SETBP1: variants seen among roughly 807,000 people sequenced by gnomAD.
SETBP1 encodes SET binding protein 1, also known as SET-binding protein.
SETBP1 carries 9 observed loss-of-function variants against 101.0 expected under a neutral mutation model. The observed-to-expected ratio is 0.09, with a 90% CI of 0.05 to 0.16. The LOEUF (loss-of-function observed/expected upper bound fraction) is 0.16. Among genes scored for constraint, SETBP1 ranks in the 10% least tolerant of loss-of-function variants. The pLI, the probability that SETBP1 is intolerant of heterozygous loss-of-function variation, is 1.00. For missense variants in SETBP1, 1,858 were observed against 2,033.8 expected (o/e 0.91, Z 1.66); for synonymous variants, 818 against 788.5 (o/e 1.04, Z -0.63).
At chr18:44,889,666 A>G (rs1265051036) in intron 3 of SETBP1, among the ~76,000 whole-genome samples, 2 of 152,162 alleles carry the variant, frequency 1.3e-5, no homozygotes, top group African/African-American at 4.8e-5. Context: ...AGATAGTTAA[A>G]TTAAACTATT....
chr18:44,874,370 G>A (rs148930054), intron 3 of SETBP1, among the ~76,000 whole-genome samples: 2,291 of 152,268 alleles, frequency 0.015, 31 homozygotes, highest in Middle Eastern at 0.041. Flanking sequence ...AAGACAATGG[G>A]AGGCATTGAA....
intron 2 of SETBP1, among the ~76,000 whole-genome samples, chr18:44,814,479 T>C (rs889313031): frequency 5.3e-5 from 8 of 152,232 alleles, no homozygotes; most frequent in African/African-American, 1.9e-4. Context: ...ACATCTAGAA[T>C]TGGCAAAGCA....
chr18:44,681,853 G>T (rs2068765317), intron 1 of SETBP1, among the ~76,000 whole-genome samples: 1 of 151,874 alleles, frequency 6.6e-6, no homozygotes. Flanking sequence ...CGCTAAAAGG[G>T]CAATTTGTGT....
intron 2 of SETBP1, among the ~76,000 whole-genome samples, chr18:44,778,226 G>A (rs372700493): frequency 1.6e-4 from 24 of 152,276 alleles, no homozygotes; most frequent in South Asian, 8.3e-4. Flanking sequence ...AGTCAAAAAC[G>A]TAAGATCCTC....
intron 2 of SETBP1, among the ~76,000 whole-genome samples, chr18:44,707,459 A>G (rs923645919): frequency 2.0e-5 from 3 of 152,114 alleles, no homozygotes; most frequent in Admixed American, 6.5e-5. Flanking sequence ...CTCCAGTTCT[A>G]TTGGGAGATC....
chr18:44,727,987 G>A (rs1408408580), intron 2 of SETBP1, among the ~76,000 whole-genome samples: 1 of 152,096 alleles, frequency 6.6e-6, no homozygotes, highest in East Asian at 1.9e-4. Flanking sequence ...GTCCTTACAC[G>A]TACCATTTAT....
In SETBP1 at chr18:44,892,696, T is replaced by C. The variant is rs1599285211; in HGVS notation, c.540+23413T>C. 2.0e-5 allele frequency among the ~76,000 whole-genome samples: 3 copies of C among 152,262 alleles called. No homozygotes were observed. In the South Asian group the frequency reaches 6.2e-4, roughly 32 times the overall value. ...GAGTTCAAATATATTTTATTGAAAC[T>C]TCTATCTACTGGTTTTATTGTAACT... is the stretch of plus-strand genomic sequence containing the variant. On this transcript the variant is annotated intron_variant, in intron 3 of 5. Transcript: ENST00000649279.
intron 3 of SETBP1, among the ~76,000 whole-genome samples, chr18:44,877,766 A>AT (rs202025141): frequency 1.8e-4 from 27 of 148,404 alleles, no homozygotes; most frequent in East Asian, 3.9e-4. Flanking sequence ...TTTTTAGTGG[A>AT]TTTTTTTTTT....
intron 4 of SETBP1, among the ~76,000 whole-genome samples, chr18:44,979,631 G>C (rs1481526471): frequency 1.3e-5 from 2 of 152,146 alleles, no homozygotes; most frequent in African/African-American, 4.8e-5. Flanking sequence ...TGGTCATTTT[G>C]ATTTAAGAAT....
chr18:44,937,122 G>A (rs1423229748), intron 3 of SETBP1, among the ~76,000 whole-genome samples: 1 of 152,190 alleles, frequency 6.6e-6, no homozygotes, highest in Non-Finnish European at 1.5e-5. Flanking sequence ...ATACTTGACA[G>A]TCTTCAACTT....
At chr18:45,000,200 C>T (rs530740516) in intron 4 of SETBP1, among the ~76,000 whole-genome samples, 10 of 152,300 alleles carry the variant, frequency 6.6e-5, no homozygotes, top group African/African-American at 2.2e-4. Context: ...AGACACCTAT[C>T]CTTAGTAGAG....
In SETBP1 at chr18:44,872,374, A is replaced by G. The variant is rs118191548; in HGVS notation, c.540+3091A>G. On this transcript the variant is annotated intron_variant, in intron 3 of 5. Coordinates refer to ENST00000649279, the MANE Select transcript of SETBP1 (RefSeq NM_015559.3). ...GGTATAGTCTTCCGATCTTTGTTCT[A>G]CATAGACACACACATCTGTTTTTTT... Among the ~76,000 whole-genome samples, 1,339 of 152,294 alleles carry G rather than the reference A, an allele frequency of 8.8e-3. 8 individuals carry two copies. Among genetic ancestry groups the G allele is most frequent in the South Asian group, 0.016 (76 of 4,820 alleles).
intron 5 of SETBP1, among the ~76,000 whole-genome samples, chr18:45,055,214 A>G (rs916762387): frequency 1.3e-5 from 2 of 152,212 alleles, no homozygotes; most frequent in Non-Finnish European, 2.9e-5. Flanking sequence ...GTGAGTGAAT[A>G]AACTCTCGAG....
chr18:44,684,947 G>A (rs937800900), intron 1 of SETBP1, among the ~76,000 whole-genome samples: 5 of 152,094 alleles, frequency 3.3e-5, no homozygotes, highest in African/African-American at 1.2e-4. Flanking sequence ...GCGCCCGACC[G>A]AGGAACCATT....
intron 4 of SETBP1, among the ~76,000 whole-genome samples, chr18:44,997,195 C>T (rs1340110851): frequency 6.6e-6 from 1 of 152,094 alleles, no homozygotes; most frequent in African/African-American, 2.4e-5. Flanking sequence ...ACTAGCTGAG[C>T]CACCAGCCCT....
chr18:44,774,579 T>A (rs1427102330), intron 2 of SETBP1, among the ~76,000 whole-genome samples: 1 of 152,150 alleles, frequency 6.6e-6, no homozygotes, highest in Non-Finnish European at 1.5e-5. Context: ...AGAGTTGTCA[T>A]GTAGAATGTG....
intron 2 of SETBP1, among the ~76,000 whole-genome samples, chr18:44,755,127 G>A (rs1156831122): frequency 1.3e-5 from 2 of 152,150 alleles, no homozygotes; most frequent in Non-Finnish European, 2.9e-5. Context: ...GAAGGATCTT[G>A]GACAAAACAG....
chr18:44,818,085 C>T (rs930259004), intron 2 of SETBP1, among the ~76,000 whole-genome samples: 3 of 152,148 alleles, frequency 2.0e-5, no homozygotes, highest in Admixed American at 6.5e-5. Flanking sequence ...TCTATTACAG[C>T]GAGATTAAAT....
intron 2 of SETBP1, among the ~76,000 whole-genome samples, chr18:44,755,501 C>T (rs2070472467): frequency 6.6e-6 from 1 of 151,292 alleles, no homozygotes; most frequent in Non-Finnish European, 1.5e-5. Context: ...TTTCTTCCTC[C>T]TGCCCTTAGA....
Sources: gnomAD v4.1 joint callset for allele counts (sites outside exome capture counted in the v4.1 genomes callset) on GRCh38, gnomAD v4.1.1 for gene constraint, MANE v1.5 for transcripts, NCBI Gene and HGNC (gene_info 2026-07-23, HGNC 2026-07-21) for gene names.